SYDE2: variants seen among roughly 807,000 people sequenced by gnomAD.
SYDE2 encodes the protein synapse defective Rho GTPase homolog 2, also known as rho GTPase-activating protein SYDE2.
Under a neutral mutation model 91.5 loss-of-function variants are expected in SYDE2, and 76 were observed. That is an observed-to-expected ratio of 0.83 (90% CI 0.69 to 1.01). SYDE2 has a LOEUF of 1.01. SYDE2 is among the 50% of genes least tolerant of loss of function. The pLI is 0.00. For synonymous variants in SYDE2, 513 were observed against 506.4 expected, an observed-to-expected ratio of 1.01 and a Z score of -0.18; for missense variants, 1,364 against 1,367.7, an observed-to-expected ratio of 1.00 and a Z score of 0.04.
chr1:85,200,760 C>G lies in SYDE2; in HGVS notation c.237G>C (p.Met79Ile), dbSNP rs1332291487. 5.2e-6 allele frequency: 8 copies of G among 1,526,714 alleles called. No individual in the cohort carries two copies. Among genetic ancestry groups the G allele is most frequent in the African/African-American group, 1.4e-5 (1 of 72,418 alleles). 94.6% of individuals were successfully genotyped at this position (1,526,714 alleles called of 1,614,324 possible). ...PRGGQLRTPR[M>I]RPSCSRSLES... ...CGAGGCTTCTGCTGCAGGACGGCCG[C>G]ATCCGAGGAGTCCGCAGCTGGCCTC... The change falls in exon 1 of 7, where the codon ATG becomes ATC. Residue 79 changes from methionine (M) to isoleucine (I), a missense_variant. Coordinates refer to ENST00000341460, the MANE Select transcript of SYDE2 (RefSeq NM_032184.2).
At chr1:85,175,029 T>C (rs1319262881) in intron 4 of SYDE2, among the ~76,000 whole-genome samples, 2 of 152,166 alleles carry the variant, frequency 1.3e-5, no homozygotes, top group African/African-American at 2.4e-5. Flanking sequence ...TAAAAAGGCA[T>C]GGTCAAATGA....
At chr1:85,175,531 A>T (rs1657665351) in intron 4 of SYDE2, among the ~76,000 whole-genome samples, 1 of 152,164 alleles carries the variant, frequency 6.6e-6, no homozygotes, top group African/African-American at 2.4e-5. Flanking sequence ...TTATACCTAA[A>T]ATTTTGCACT....
chr1:85,155,021 A>G (rs570435311), downstream of SYDE2, among the ~76,000 whole-genome samples: 13 of 150,422 alleles, frequency 8.6e-5, no homozygotes, highest in Admixed American at 2.6e-4. Flanking sequence ...AAAAAAAAAA[A>G]AAAAGAAAAG....
intron 5 of SYDE2, among the ~76,000 whole-genome samples, chr1:85,165,620 C>T (rs1164518052): frequency 6.7e-6 from 1 of 150,078 alleles, no homozygotes; most frequent in Non-Finnish European, 1.5e-5. Flanking sequence ...GGTAAATAAA[C>T]CTTAAAAAGA....
At chr1:85,175,111 C>T (rs12116526) in intron 4 of SYDE2, among the ~76,000 whole-genome samples, 83,229 of 151,956 alleles carry the variant, frequency 0.55, 24,934 homozygotes, top group South Asian at 0.7. Flanking sequence ...TAGTTAGATA[C>T]ATGTAATCCT....
At chr1:85,154,080 T>C (rs576622820), downstream of SYDE2, 13 of 152,190 alleles carry the variant, frequency 8.5e-5, no homozygotes, top group South Asian at 4.2e-4. Context: ...AGAGTGAAAA[T>C]TGGTCAGGAA....
intron 6 of SYDE2, among the ~76,000 whole-genome samples, chr1:85,159,602 A>G (rs1199997136): frequency 6.6e-6 from 1 of 152,238 alleles, no homozygotes; most frequent in African/African-American, 2.4e-5. Flanking sequence ...GCTACAGCAA[A>G]AAGCAGGCAA....
rs1658330710 is a variant in SYDE2, at chr1:85,190,657, T to C, written c.841A>G (p.Ser281Gly). The C allele has an allele frequency of 3.1e-6, 5 of 1,613,848 alleles. No individual in the cohort carries two copies. The highest frequency in any genetic ancestry group is 1.1e-5 in the South Asian group (1 of 91,088). ...IEFRGHKPLN[S>G]ITVSKKRNWL... ...TTGCGTTTCTTTGAAACAGTGATGC[T>C]GTTAAGTGGCTTATGACCTCTGAAT... The change falls in exon 2 of 7, where the codon AGC (serine) becomes GGC (glycine). Residue 281 changes from serine to glycine, a missense_variant. Transcript: ENST00000341460.
At chr1:85,195,262 T>C (rs1658541510) in intron 1 of SYDE2, among the ~76,000 whole-genome samples, 1 of 152,076 alleles carries the variant, frequency 6.6e-6, no homozygotes. Context: ...TCTTTAAAAA[T>C]CCCAAATAAA....
chr1:85,184,363 A>G (rs147221361), intron 2 of SYDE2, among the ~76,000 whole-genome samples: 234 of 152,322 alleles, frequency 1.5e-3, no homozygotes, highest in African/African-American at 5.4e-3. Context: ...AATTGATCTG[A>G]GTGAAGTAAA....
At chr1:85,159,316 T>C in intron 6 of SYDE2, 67 bp from the exon 7 acceptor site, 1 of 727,218 alleles carries the variant, frequency 1.4e-6, no homozygotes, top group Non-Finnish European at 2.5e-6. Flanking sequence ...AAAACAGAGC[T>C]AAAGATAAGC....
chr1:85,175,804 T>C (rs1657675248), intron 4 of SYDE2, among the ~76,000 whole-genome samples: 1 of 152,258 alleles, frequency 6.6e-6, no homozygotes, highest in Non-Finnish European at 1.5e-5. Flanking sequence ...GAAAACCTTG[T>C]GTCATGCAAT....
At chr1:85,189,950 G>A in intron 2 of SYDE2, 107 bp downstream of exon 2, 8 of 915,500 alleles carry the variant, frequency 8.7e-6, no homozygotes, top group Non-Finnish European at 1.3e-5. Flanking sequence ...CACTTCACAA[G>A]AAAAAGTACA....
chr1:85,168,605 T>C (rs1364820240), intron 5 of SYDE2, among the ~76,000 whole-genome samples: 1 of 152,208 alleles, frequency 6.6e-6, no homozygotes, highest in East Asian at 1.9e-4. Flanking sequence ...GGGCTTTTGT[T>C]TGTCTTAAAG....
intron 6 of SYDE2, among the ~76,000 whole-genome samples, chr1:85,163,677 G>A (rs1204701905): frequency 1.3e-5 from 2 of 151,830 alleles, no homozygotes; most frequent in Non-Finnish European, 1.5e-5. Context: ...ATCCAGATCT[G>A]AACCCAAACC....
chr1:85,159,382 A>G, intron 6 of SYDE2, 133 bp from the exon 7 acceptor site: 1 of 642,376 alleles, frequency 1.6e-6, no homozygotes, highest in Non-Finnish European at 2.7e-6. Context: ...CTCTGTCAAA[A>G]GAAAGCATTC....
At chr1:85,195,421 ACTTAAGT>A (rs1658549453) in intron 1 of SYDE2, among the ~76,000 whole-genome samples, 2 of 152,216 alleles carry the variant, frequency 1.3e-5, no homozygotes, top group Admixed American at 6.5e-5. Flanking sequence ...ACTAGAATAA[ACTTAAGT>A]CTTAAGTTTC....
chr1:85,196,674 TAA>T (rs1658598884), intron 1 of SYDE2, among the ~76,000 whole-genome samples: 1 of 150,962 alleles, frequency 6.6e-6, no homozygotes, highest in Admixed American at 6.6e-5. Context: ...GGAAGAGATT[TAA>T]AATTAGAAGA....
Position 85,158,957 on chromosome 1 carries a change from A to G in SYDE2, c.3378T>C (p.Tyr1126=), listed in dbSNP as rs1399128611. The change falls in exon 7 of 7, where the codon TAT becomes TAC. Residue 1126 remains tyrosine (Y), a synonymous_variant. Coordinates refer to ENST00000341460, the MANE Select transcript of SYDE2 (RefSeq NM_032184.2). ...TTACTTCTGGCCCATCCATTTTGCT[A>G]TAATTTTCTCCGATTTTTCTATCTT... ...PSEDRKIGEN[Y]SKMDGPEVMI... is the part of the protein sequence containing the mutation. 1.3e-6 allele frequency: 1 copy of G among 780,634 alleles called. No individual in the cohort carries two copies. Among genetic ancestry groups the G allele is most frequent in the Admixed American group, 1.7e-5 (1 of 58,970 alleles). 48.4% of individuals were successfully genotyped at this position (780,634 alleles called of 1,614,324 possible). A position where few individuals can be genotyped will look rare whatever the true frequency, so the allele number is the denominator to read the frequency against.
Sources: allele counts gnomAD v4.1 joint callset (sites outside exome capture counted in the v4.1 genomes callset), GRCh38; gene constraint gnomAD v4.1.1; transcripts MANE v1.5; gene names NCBI Gene and HGNC (gene_info 2026-07-23, HGNC 2026-07-21).